SIPA1L1: variants seen among roughly 807,000 people sequenced by gnomAD.
SIPA1L1 encodes signal induced proliferation associated 1 like 1.
Under a neutral mutation model 162.7 loss-of-function variants are expected in SIPA1L1, and 26 were observed. That is an observed-to-expected ratio of 0.16 (90% confidence interval 0.12 to 0.22). The LOEUF (loss-of-function observed/expected upper bound fraction) is 0.22. Among genes scored for constraint, SIPA1L1 ranks in the 10% least tolerant of loss-of-function variants. SIPA1L1 has a pLI of 1.00. For missense variants in SIPA1L1, 1,874 were observed against 2,241.0 expected, an observed-to-expected ratio of 0.84 and a Z score of 3.31; for synonymous variants, 829 against 837.4, an observed-to-expected ratio of 0.99 and a Z score of 0.17.
Position 71,588,041 on chromosome 14 carries a change from C to G in SIPA1L1, c.169C>G (p.Pro57Ala). 6.2e-7 allele frequency: 1 copy of G among 1,614,102 alleles called. No homozygotes were observed. Among genetic ancestry groups the G allele is most frequent in the Admixed American group, 1.7e-5 (1 of 60,020 alleles). The change falls in exon 5 of 24, where the codon CCC becomes GCC. Residue 57 changes from proline (P) to alanine (A), a missense_variant. By Grantham distance (27) the Pro-to-Ala change is conservative (BLOSUM62 -1). Coordinates refer to ENST00000381232, the MANE Select transcript of SIPA1L1 (RefSeq NM_001386936.1). This position sits in a 1 kb window ranked among gnomAD's most constrained non-coding sequence, Gnocchi z 4.3. Reference protein sequence around the residue: ...GSSVMAPVGPPRSEGSHHITS... With the variant: ...GSSVMAPVGPARSEGSHHITS... ...ATCAGTTATGGCTCCTGTAGGACCC[C>G]CCCGAAGTGAAGGTTCTCACCATAT...
chr14:71,542,295 T>TCTCCTCTTCCTCCTC (rs1327598710), intron 4 of SIPA1L1, among the ~76,000 whole-genome samples: 59 of 146,578 alleles, frequency 4.0e-4, no homozygotes, highest in Non-Finnish European at 7.1e-4. Flanking sequence ...CTCTTCCTCT[T>TCTCCTCTTCCTCCTC]CTCCTCTTCC....
At chr14:71,555,754 A>G (rs757695882) in intron 4 of SIPA1L1, among the ~76,000 whole-genome samples, 1 of 152,200 alleles carries the variant, frequency 6.6e-6, no homozygotes, top group East Asian at 1.9e-4. Context: ...AGGCCATTCT[A>G]ATTTCAGTGT....
intron 8 of SIPA1L1, among the ~76,000 whole-genome samples, chr14:71,657,779 C>T (rs544248070): frequency 1.8e-4 from 28 of 151,370 alleles, no homozygotes; most frequent in African/African-American, 5.6e-4. Flanking sequence ...GGTCTGTGAA[C>T]TTGGATGGGA....
At chr14:71,617,774 ATATAAATGAAATACAATAATG>A (rs2038995015) in intron 5 of SIPA1L1, among the ~76,000 whole-genome samples, 1 of 152,360 alleles carries the variant, frequency 6.6e-6, no homozygotes, top group Admixed American at 6.5e-5. Context: ...GCCGTGTCAG[ATATAAATGAAATACAATAATG>A]TATAAATGAA....
At chr14:71,385,255 C>T (rs1219379671) in intron 2 of SIPA1L1, among the ~76,000 whole-genome samples, 2 of 152,196 alleles carry the variant, frequency 1.3e-5, no homozygotes, top group Non-Finnish European at 2.9e-5. Context: ...GGTCATAACT[C>T]ACAATTTTAC....
At position 71,375,599 on chromosome 14, in the gene SIPA1L1, C is replaced by T. The variant is rs1016904332; in HGVS notation, c.-465+54418C>T. 2.6e-5 allele frequency among the ~76,000 whole-genome samples: 4 copies of T among 152,020 alleles called. No individual in the cohort carries two copies. In the East Asian group the frequency reaches 7.7e-4, roughly 29 times the overall value. ...TTACACCTCTTTTTCTTGCTTTATT[C>T]CAGTATAGTGTTGACTAGAAAGTGG... On this transcript the variant is annotated intron_variant, in intron 2 of 23. Coordinates refer to ENST00000381232, the MANE Select transcript of SIPA1L1 (RefSeq NM_001386936.1).
chr14:71,543,211 T>C (rs1390990629), intron 4 of SIPA1L1, among the ~76,000 whole-genome samples: 2 of 152,228 alleles, frequency 1.3e-5, no homozygotes, highest in African/African-American at 2.4e-5. Flanking sequence ...CATCACTCTT[T>C]TTTATCTTTA....
intron 10 of SIPA1L1, among the ~76,000 whole-genome samples, chr14:71,664,729 A>AAC (rs1264909248): frequency 6.6e-6 from 1 of 152,196 alleles, no homozygotes. Flanking sequence ...CTCCACCATG[A>AAC]ACACACATAT....
chr14:71,374,398 A>G (rs1305373514), intron 2 of SIPA1L1, among the ~76,000 whole-genome samples: 1 of 151,992 alleles, frequency 6.6e-6, no homozygotes, highest in Admixed American at 6.5e-5. Flanking sequence ...GTATTCAGTT[A>G]AAAGTATTTT....
chr14:71,709,648 G>A lies in SIPA1L1; in HGVS notation c.4192G>A (p.Ala1398Thr). Residue 1398 changes from alanine to threonine, a missense_variant, in exon 17 of 24, where the codon GCT (alanine) becomes ACT (threonine). Physicochemically the swap from Ala to Thr is moderately conservative, Grantham distance 58. Transcript: ENST00000381232. ...RENSTFSINDAASHTSTMSSR... is the reference protein window; with the variant it reads ...RENSTFSINDTASHTSTMSSR... The stretch of plus-strand genomic sequence containing the variant: ...GAACAGCACCTTCAGTATAAACGAT[G>A]CTGCTTCCCACACAAGGTAACCACC... 6.2e-7 allele frequency: 1 copy of A among 1,612,410 alleles called. No individual in the cohort carries two copies. The highest frequency in any genetic ancestry group is 8.5e-7 in the Non-Finnish European group (1 of 1,178,762).
chr14:71,558,892 A>G (rs1176346970), intron 4 of SIPA1L1, among the ~76,000 whole-genome samples: 1 of 152,064 alleles, frequency 6.6e-6, no homozygotes. Flanking sequence ...CTGTATTGCC[A>G]AGGCTGATCT....
chr14:71,520,193 A>T (rs1046686380), intron 3 of SIPA1L1, among the ~76,000 whole-genome samples: 1 of 152,154 alleles, frequency 6.6e-6, no homozygotes, highest in African/African-American at 2.4e-5. Context: ...GTTTCAGATT[A>T]CCTCCATATG....
At chr14:71,599,951 T>C (rs1214429734) in intron 5 of SIPA1L1, among the ~76,000 whole-genome samples, 1 of 152,144 alleles carries the variant, frequency 6.6e-6, no homozygotes, top group Admixed American at 6.5e-5. Flanking sequence ...CTTGTTTTAA[T>C]AGGATTATTT....
At chr14:71,382,301 G>C (rs746694232) in intron 2 of SIPA1L1, among the ~76,000 whole-genome samples, 3 of 152,220 alleles carry the variant, frequency 2.0e-5, no homozygotes, top group Non-Finnish European at 4.4e-5. Context: ...CATAAGCCAA[G>C]TGTTTGGGGT....
At chr14:71,619,043 G>A (rs536979522) in intron 6 of SIPA1L1, among the ~76,000 whole-genome samples, 156 bp downstream of exon 6, 1 of 151,812 alleles carries the variant, frequency 6.6e-6, no homozygotes, top group African/African-American at 2.4e-5. Flanking sequence ...AGATCGAGGT[G>A]GACAAGATGG....
intron 17 of SIPA1L1, among the ~76,000 whole-genome samples, chr14:71,721,922 C>A (rs919089803): frequency 2.6e-5 from 4 of 152,228 alleles, no homozygotes; most frequent in Non-Finnish European, 5.9e-5. Context: ...GCAGAACCAG[C>A]TGGGACTCAG....
At chr14:71,496,711 A>G (rs4464023) in intron 2 of SIPA1L1, among the ~76,000 whole-genome samples, 90,861 of 151,992 alleles carry the variant, frequency 0.6, 27,690 homozygotes, top group East Asian at 0.77. Context: ...TTCAATTATT[A>G]ATGAATTGTC....
chr14:71,361,603 A>G (rs943773712), intron 2 of SIPA1L1, among the ~76,000 whole-genome samples: 5 of 152,126 alleles, frequency 3.3e-5, no homozygotes, highest in African/African-American at 1.2e-4. Flanking sequence ...GTGGCCTATC[A>G]AGGGCCTTTT....
intron 2 of SIPA1L1, among the ~76,000 whole-genome samples, chr14:71,482,729 C>T (rs540178224): frequency 1.3e-5 from 2 of 152,252 alleles, no homozygotes; most frequent in Non-Finnish European, 2.9e-5. Flanking sequence ...GGAGATGAGT[C>T]CTTGTCTGGG....
Sources: allele counts gnomAD v4.1 joint callset (sites outside exome capture counted in the v4.1 genomes callset), GRCh38; gene constraint gnomAD v4.1.1; non-coding constraint Gnocchi (gnomAD v3.1); transcripts MANE v1.5; gene names NCBI Gene and HGNC (gene_info 2026-07-23, HGNC 2026-07-21).